The following BTAF1 variants were observed in gnomAD, a reference collection of about 807,000 sequenced individuals.
BTAF1 encodes TATA-binding protein-associated factor 172.
A neutral mutation model predicts 227.1 loss-of-function variants in BTAF1; 38 were observed. The observed-to-expected ratio is 0.17, with a 90% CI of 0.13 to 0.22. The LOEUF (loss-of-function observed/expected upper bound fraction) is 0.22. BTAF1 is among the 10% of genes least tolerant of loss of function. The probability of loss-of-function intolerance (pLI) is 1.00; values close to 1 mark genes in which losing one functional copy is unlikely to be tolerated. For missense variants in BTAF1, 1,598 were observed against 2,204.0 expected (o/e 0.73, Z 5.51); for synonymous variants, 742 against 751.9 (o/e 0.99, Z 0.21).
chr10:92,008,686 T>A (rs1282181026), intron 26 of BTAF1, 143 bp from the exon 27 acceptor site: 2 of 710,748 alleles, frequency 2.8e-6, no homozygotes, highest in African/African-American at 3.6e-5. Context: ...TAAAATCTTG[T>A]GTTTAGTGTC....
Position 91,984,384 on chromosome 10 carries a change from A to G in BTAF1, c.2407A>G (p.Ile803Val), listed in dbSNP as rs1309690143. The G allele has an allele frequency of 3.7e-6, 6 of 1,611,160 alleles. No homozygotes were observed. The highest frequency in any genetic ancestry group is 1.1e-5 in the South Asian group (1 of 90,782). ...TCGAGTAAACAACAATGTTTTAACA[A>G]TAGATCAAGCTAGTGACTTGGTGAG... Reference protein sequence around the residue: ...GNRVNNNVLTIDQASDLVTTV... With the variant: ...GNRVNNNVLTVDQASDLVTTV... Residue 803 changes from isoleucine (I) to valine (V), a missense_variant, in exon 19 of 38, where the codon ATA becomes GTA. Around this residue, in one of 10 missense-constraint regions of BTAF1, gnomAD observed 318 missense variants for 435.0 expected, o/e 0.73. Coordinates refer to ENST00000265990, the MANE Select transcript of BTAF1 (RefSeq NM_003972.3).
chr10:92,009,388 G>A (rs964327517), intron 28 of BTAF1, among the ~76,000 whole-genome samples, 180 bp downstream of exon 28: 2 of 152,292 alleles, frequency 1.3e-5, no homozygotes, highest in East Asian at 1.9e-4. Context: ...TCAAAATTGA[G>A]GAATTTTAAC....
At chr10:92,021,570 CTT>C (rs1376268388) in intron 34 of BTAF1, among the ~76,000 whole-genome samples, 1 of 150,648 alleles carries the variant, frequency 6.6e-6, no homozygotes, top group Non-Finnish European at 1.5e-5. Flanking sequence ...GAGACAGAGT[CTT>C]GCTCTGTCGC....
intron 11 of BTAF1, 75 bp from the exon 12 acceptor site, chr10:91,962,463 A>G: frequency 8.9e-7 from 1 of 1,123,232 alleles, no homozygotes; most frequent in Non-Finnish European, 1.3e-6. Flanking sequence ...CATGTGGCAA[A>G]TTTAAATTTT....
intron 23 of BTAF1, among the ~76,000 whole-genome samples, chr10:91,995,915 A>G (rs1427609745): frequency 6.6e-6 from 1 of 152,200 alleles, no homozygotes; most frequent in African/African-American, 2.4e-5. Context: ...GATACCTACC[A>G]AAGTATGGTG....
At chr10:91,944,133 C>T (rs1845203114) in intron 4 of BTAF1, among the ~76,000 whole-genome samples, 1 of 146,588 alleles carries the variant, frequency 6.8e-6, no homozygotes, top group South Asian at 2.2e-4. Context: ...GCCTGGGTGA[C>T]AAGAGTGAAA....
intron 32 of BTAF1, 48 bp downstream of exon 32, chr10:92,014,077 A>G (rs573096322): frequency 1.1e-4 from 169 of 1,559,098 alleles, no homozygotes; most frequent in Non-Finnish European, 1.4e-4. Flanking sequence ...TTATTAGCAG[A>G]TTGTTTTGTA....
chr10:91,982,671 C>T lies in BTAF1; in HGVS notation c.2133C>T (p.Gly711=), dbSNP rs1167087760. 2 of 1,613,798 alleles carry T rather than the reference C, an allele frequency of 1.2e-6. No homozygotes were observed. Residue 711 remains glycine (G), a synonymous_variant, in exon 18 of 38, where the codon GGC becomes GGT. Coordinates refer to ENST00000265990, the MANE Select transcript of BTAF1 (RefSeq NM_003972.3). The part of the protein sequence containing the change: ...TQEIKPAESL[G]QLLLFHLNSK... ...AAATTAAACCAGCTGAATCCCTGGGCCAGTTACTACTCTTCCATTTGAACT... is the reference window on the plus strand; with the variant it reads ...AAATTAAACCAGCTGAATCCCTGGGTCAGTTACTACTCTTCCATTTGAACT...
intron 14 of BTAF1, among the ~76,000 whole-genome samples, chr10:91,974,184 G>T (rs1029833715): frequency 6.6e-6 from 1 of 152,164 alleles, no homozygotes; most frequent in Non-Finnish European, 1.5e-5. Context: ...GTCAGACTTG[G>T]CTATAGCTCA....
chr10:91,976,145 T>G (rs1847673683), intron 14 of BTAF1, among the ~76,000 whole-genome samples: 1 of 152,194 alleles, frequency 6.6e-6, no homozygotes, highest in Non-Finnish European at 1.5e-5. Context: ...GAAAGGCTGT[T>G]AAACTGGTAA....
intron 4 of BTAF1, among the ~76,000 whole-genome samples, chr10:91,946,878 T>C (rs1344572940): frequency 1.3e-5 from 2 of 151,812 alleles, no homozygotes; most frequent in East Asian, 3.9e-4. Context: ...CTCACTCCAT[T>C]ACCCAGGCTG....
At chr10:91,993,911 C>A in intron 22 of BTAF1, 64 bp downstream of exon 22, 1 of 1,261,452 alleles carries the variant, frequency 7.9e-7, no homozygotes, top group Non-Finnish European at 1.0e-6. Flanking sequence ...TTGAATATAT[C>A]CTTATAAAAT....
intron 4 of BTAF1, among the ~76,000 whole-genome samples, chr10:91,948,801 G>A (rs1845562647): frequency 6.6e-6 from 1 of 151,294 alleles, no homozygotes; most frequent in African/African-American, 2.4e-5. Flanking sequence ...TGTCCAGATG[G>A]GATTTTGCCA....
At chr10:91,959,612 G>A (rs1348123853) in intron 9 of BTAF1, among the ~76,000 whole-genome samples, 173 bp from the exon 10 acceptor site, 1 of 151,584 alleles carries the variant, frequency 6.6e-6, no homozygotes, top group Non-Finnish European at 1.5e-5. Context: ...TGTTCCTACA[G>A]CTAAAATCTG....
chr10:91,999,819 C>A (rs1354455543), intron 25 of BTAF1, among the ~76,000 whole-genome samples: 3 of 152,128 alleles, frequency 2.0e-5, no homozygotes, highest in Non-Finnish European at 2.9e-5. Context: ...CAGTAATATT[C>A]ATAAATCTTT....
At chr10:91,958,750 C>G (rs573728312) in intron 8 of BTAF1, among the ~76,000 whole-genome samples, 1 of 152,234 alleles carries the variant, frequency 6.6e-6, no homozygotes, top group South Asian at 2.1e-4. Flanking sequence ...TTTCTTTCCT[C>G]TCTCTTGCTG....
chr10:91,999,756 G>A (rs1234163081), intron 25 of BTAF1, among the ~76,000 whole-genome samples: 1 of 152,148 alleles, frequency 6.6e-6, no homozygotes, highest in Non-Finnish European at 1.5e-5. Flanking sequence ...ATGGATAGTA[G>A]ATATGTAAAT....
intron 4 of BTAF1, among the ~76,000 whole-genome samples, chr10:91,947,307 C>T (rs1164790414): frequency 1.3e-5 from 2 of 152,130 alleles, no homozygotes; most frequent in East Asian, 3.8e-4. Flanking sequence ...AATTCAAGCT[C>T]ATTTACCTCT....
intron 30 of BTAF1, among the ~76,000 whole-genome samples, chr10:92,012,013 ATTCC>A (rs1850323137): frequency 1.3e-5 from 2 of 150,506 alleles, no homozygotes; most frequent in Non-Finnish European, 3.0e-5. Context: ...GACCTCTAAG[ATTCC>A]TTCCAACTTT....
Sources: gnomAD v4.1 joint callset for allele counts (sites outside exome capture counted in the v4.1 genomes callset) on GRCh38, gnomAD v4.1.1 for gene constraint, gnomAD v4.1.1 regional missense constraint, MANE v1.5 for transcripts, NCBI Gene and HGNC (gene_info 2026-07-23, HGNC 2026-07-21) for gene names.